KCNMB2: variants seen among roughly 807,000 people sequenced by gnomAD.
KCNMB2 encodes potassium calcium-activated channel subfamily M regulatory beta subunit 2.
A neutral mutation model predicts 24.5 loss-of-function variants in KCNMB2; 9 were observed. The observed-to-expected ratio is 0.37, with a 90% CI of 0.22 to 0.64. The LOEUF (loss-of-function observed/expected upper bound fraction) is 0.64. KCNMB2 is among the 30% of genes least tolerant of loss of function. KCNMB2 has a pLI of 0.63. For synonymous variants in KCNMB2, 109 were observed against 104.4 expected, an observed-to-expected ratio of 1.04 and a Z score of -0.27; for missense variants, 226 against 284.3, an observed-to-expected ratio of 0.79 and a Z score of 1.47.
At chr3:178,784,960 C>T (rs1713043026) in intron 1 of KCNMB2, among the ~76,000 whole-genome samples, 1 of 150,190 alleles carries the variant, frequency 6.7e-6, no homozygotes, top group Admixed American at 6.7e-5. Flanking sequence ...ATATCTCTGA[C>T]AAATGCTAAT....
chr3:178,716,368 A>T (rs1288171350), intron 1 of KCNMB2, among the ~76,000 whole-genome samples: 2 of 152,170 alleles, frequency 1.3e-5, no homozygotes, highest in Non-Finnish European at 2.9e-5. Context: ...ATTGAGAGAA[A>T]ACTGAGTCTC....
chr3:178,636,384 C>T (rs1719522280), intron 1 of KCNMB2, among the ~76,000 whole-genome samples: 1 of 151,950 alleles, frequency 6.6e-6, no homozygotes, highest in African/African-American at 2.4e-5. Context: ...CACCTGTACC[C>T]CAATAACTTA....
At chr3:178,719,766 T>C (rs963954971) in intron 1 of KCNMB2, among the ~76,000 whole-genome samples, 3 of 152,136 alleles carry the variant, frequency 2.0e-5, no homozygotes, top group African/African-American at 7.2e-5. Context: ...TTTTTTGGTG[T>C]TTGATTCTGT....
rs981154483 is a variant in KCNMB2 at position 178,649,383 on chromosome 3, G to A, written c.-68+112672G>A. ...CAATTAGAAGCTTTTTGCATATTAT[G>A]TGAGGTAGGGATCCAGCTTTATTTT... On this transcript the variant is annotated intron_variant, in intron 1 of 4. Transcript: ENST00000452583. Among the ~76,000 whole-genome samples the A allele has an allele frequency of 3.9e-5, 6 of 152,072 alleles. No homozygotes were observed. In the East Asian group the frequency reaches 9.7e-4, roughly 24 times the overall value.
intron 1 of KCNMB2, among the ~76,000 whole-genome samples, chr3:178,697,667 AGACTTG>A (rs1721930467): frequency 6.6e-6 from 1 of 152,126 alleles, no homozygotes; most frequent in East Asian, 1.9e-4. Flanking sequence ...GTTATTTTGC[AGACTTG>A]TTTATGTGGT....
intron 1 of KCNMB2, among the ~76,000 whole-genome samples, chr3:178,600,239 C>G (rs577195007): frequency 5.9e-5 from 9 of 152,236 alleles, no homozygotes; most frequent in Middle Eastern, 3.4e-3. Context: ...TATCAAATGT[C>G]AGAATTTTCT....
chr3:178,759,797 T>A (rs377429640), intron 1 of KCNMB2, among the ~76,000 whole-genome samples: 1 of 35,798 alleles, frequency 2.8e-5, no homozygotes, highest in Admixed American at 4.3e-4. Flanking sequence ...TATATATATA[T>A]CCAAGAGGAT....
chr3:178,748,204 T>C (rs1354197712), intron 1 of KCNMB2: 3 of 152,236 alleles, frequency 2.0e-5, no homozygotes, highest in Non-Finnish European at 4.4e-5. Flanking sequence ...AAAATTATAT[T>C]CAACAATAGC....
At chr3:178,763,679 G>A (rs1457351374) in intron 1 of KCNMB2, among the ~76,000 whole-genome samples, 1 of 152,080 alleles carries the variant, frequency 6.6e-6, no homozygotes, top group Non-Finnish European at 1.5e-5. Context: ...GTGGGTAGAT[G>A]GAGACAAAAT....
At chr3:178,767,812 T>C (rs1296720747) in intron 1 of KCNMB2, among the ~76,000 whole-genome samples, 2 of 152,214 alleles carry the variant, frequency 1.3e-5, no homozygotes, top group African/African-American at 4.8e-5. Context: ...CAACCTGACA[T>C]CTACAGCCCA....
intron 1 of KCNMB2, among the ~76,000 whole-genome samples, chr3:178,760,747 C>G (rs1711827639): frequency 6.6e-6 from 1 of 151,652 alleles, no homozygotes; most frequent in African/African-American, 2.4e-5. Context: ...TTGTCCCAAA[C>G]AGCAGATTTA....
At chr3:178,710,380 G>A (rs913795757) in intron 1 of KCNMB2, among the ~76,000 whole-genome samples, 5 of 152,038 alleles carry the variant, frequency 3.3e-5, no homozygotes, top group African/African-American at 7.3e-5. Flanking sequence ...TATTCAAACC[G>A]GGGAAAGGAA....
chr3:178,548,778 G>A (rs1341270866), intron 1 of KCNMB2, among the ~76,000 whole-genome samples: 3 of 152,088 alleles, frequency 2.0e-5, no homozygotes, highest in Non-Finnish European at 4.4e-5. Flanking sequence ...GTACTTGCTT[G>A]TAACATAATT....
chr3:178,744,993 G>A (rs1723617440), intron 1 of KCNMB2, among the ~76,000 whole-genome samples: 1 of 152,202 alleles, frequency 6.6e-6, no homozygotes. Context: ...GTGACAGGAA[G>A]ATGTTAATAA....
At chr3:178,569,639 G>T (rs1355282681) in intron 1 of KCNMB2, among the ~76,000 whole-genome samples, 1 of 143,278 alleles carries the variant, frequency 7.0e-6, no homozygotes, top group Non-Finnish European at 1.5e-5. Context: ...CTCACAGCCT[G>T]GTGTATTGAA....
At chr3:178,667,718 A>C (rs751504242) in intron 1 of KCNMB2, among the ~76,000 whole-genome samples, 2 of 152,226 alleles carry the variant, frequency 1.3e-5, no homozygotes, top group African/African-American at 2.4e-5. Context: ...CAAAACAATT[A>C]ATTTCTGCTG....
intron 1 of KCNMB2, among the ~76,000 whole-genome samples, chr3:178,655,062 G>T (rs543466195): frequency 2.1e-5 from 3 of 141,482 alleles, no homozygotes. Flanking sequence ...TATATAACAT[G>T]CTTAGTGTAA....
At chr3:178,646,059 A>G (rs1719912836) in intron 1 of KCNMB2, among the ~76,000 whole-genome samples, 1 of 152,164 alleles carries the variant, frequency 6.6e-6, no homozygotes, top group South Asian at 2.1e-4. Context: ...ATCCATGGTT[A>G]TCAAGAGAAA....
intron 1 of KCNMB2, among the ~76,000 whole-genome samples, chr3:178,555,830 C>T (rs1397079617): frequency 2.0e-5 from 3 of 152,132 alleles, no homozygotes; most frequent in African/African-American, 7.2e-5. Context: ...AGAATGTGCT[C>T]ACTGTTATAC....
Sources: allele counts gnomAD v4.1 joint callset (sites outside exome capture counted in the v4.1 genomes callset), GRCh38; gene constraint gnomAD v4.1.1; transcripts MANE v1.5; gene names NCBI Gene and HGNC (gene_info 2026-07-23, HGNC 2026-07-21).